Variants in ZDHHC21 observed in about 807,000 individuals in gnomAD.
ZDHHC21 encodes zDHHC palmitoyltransferase 21, also known as palmitoyltransferase ZDHHC21.
A neutral mutation model predicts 34.6 loss-of-function variants in ZDHHC21; 15 were observed. The ratio of observed to expected loss-of-function variants is 0.43; its 90% CI spans 0.29 to 0.67. The LOEUF is 0.67. Ranked by LOEUF, ZDHHC21 falls within the 30% of genes least tolerant of loss-of-function variation. The pLI is 0.14. For missense variants in ZDHHC21, 344 were observed against 327.7 expected, an observed-to-expected ratio of 1.05 and a Z score of -0.38; for synonymous variants, 142 against 101.8, an observed-to-expected ratio of 1.40 and a Z score of -2.38.
the ZDHHC21 span, among the ~76,000 whole-genome samples, chr9:14,599,182 G>T: frequency 1.3e-5 from 2 of 152,186 alleles, no homozygotes; most frequent in African/African-American, 4.8e-5. Context: ...AACAGCTTTG[G>T]TCTGCAGCTC....
At chr9:14,693,053 C>G (rs1313750271) in intron 1 of ZDHHC21, among the ~76,000 whole-genome samples, 176 bp downstream of exon 1, 1 of 151,602 alleles carries the variant, frequency 6.6e-6, no homozygotes, top group Non-Finnish European at 1.5e-5. Context: ...CCGAGAAACC[C>G]CCGGGTTCCA....
At chr9:14,598,458 C>T in the ZDHHC21 span, among the ~76,000 whole-genome samples, 1 of 152,146 alleles carries the variant, frequency 6.6e-6, no homozygotes, top group Non-Finnish European at 1.5e-5. Flanking sequence ...AAAAGTATTT[C>T]CCTATGAAAG....
In ZDHHC21 at chr9:14,681,730, G is replaced by GGTGTGTGTGTGT. The variant is rs34935934; in HGVS notation, c.-175-1580_-175-1569dup. ...AAAAATGGTAACTTATAAGGGGAAT[G>GGTGTGTGTGTGT]GTGTGTGTGTGTGTGTGTGTGTGTG... On this transcript the variant is annotated intron_variant, in intron 2 of 9. Coordinates refer to ENST00000380916, the MANE Select transcript of ZDHHC21 (RefSeq NM_178566.6). Among the ~76,000 whole-genome samples the GGTGTGTGTGTGT allele has an allele frequency of 1.4e-3, 202 of 148,570 alleles. 2 individuals are homozygous for GGTGTGTGTGTGT. Among genetic ancestry groups the GGTGTGTGTGTGT allele is most frequent in the Middle Eastern group, 3.4e-3 (1 of 292 alleles).
In ZDHHC21 at chr9:14,658,464, C is replaced by CTTTTTTTT. The variant is rs769819264; in HGVS notation, c.504+277_504+284dup. On this transcript the variant is annotated intron_variant, in intron 7 of 9. Coordinates refer to ENST00000380916, the MANE Select transcript of ZDHHC21 (RefSeq NM_178566.6). ...CTAATGTTAGTGGATATAAACATTT[C>CTTTTTTTT]TTTTTTTTTTTTTTTTTTTTTTTTT... is the stretch of plus-strand genomic sequence containing the variant. Among the ~76,000 whole-genome samples, 450 of 65,390 alleles carry CTTTTTTTT rather than the reference C, an allele frequency of 6.9e-3. 138 individuals are homozygous for CTTTTTTTT. Among genetic ancestry groups the CTTTTTTTT allele is most frequent in the African/African-American group, 7.6e-3 (122 of 16,080 alleles). 42.9% of individuals were successfully genotyped at this position (65,390 alleles called of 152,430 possible).
At chr9:14,603,682 T>C in the ZDHHC21 span, among the ~76,000 whole-genome samples, 4 of 152,110 alleles carry the variant, frequency 2.6e-5, no homozygotes, top group Non-Finnish European at 5.9e-5. Flanking sequence ...GAAAATAAGA[T>C]CTCAACAGGC....
In ZDHHC21 at chr9:14,693,279, G is replaced by C. The variant is rs1296131100; in HGVS notation, c.-275C>G. On this transcript the variant is annotated 5_prime_UTR_variant, in exon 1 of 10. Transcript: ENST00000380916. Reference sequence around the variant, plus strand: ...GCCGCCGCTCTCCCGACCGCCAGCAGCTCTTTCCCCTCCTCCTGCCGCGCC... The same window carrying C: ...GCCGCCGCTCTCCCGACCGCCAGCACCTCTTTCCCCTCCTCCTGCCGCGCC... The C allele has an allele frequency of 2.4e-6, 1 of 418,920 alleles. No individual in the cohort carries two copies. The highest frequency in any genetic ancestry group is 2.2e-5 in the African/African-American group (1 of 45,722). The allele number at this position is 418,920 out of a possible 1,614,324, so 26.0% of individuals were successfully genotyped here.
intron 5 of ZDHHC21, among the ~76,000 whole-genome samples, chr9:14,667,392 T>C (rs548287094): frequency 9.2e-5 from 14 of 152,062 alleles, no homozygotes; most frequent in African/African-American, 3.4e-4. Context: ...CAGGACCAGA[T>C]GGATTCACAG....
At chr9:14,621,788 T>G (rs1825352094) in intron 8 of ZDHHC21, among the ~76,000 whole-genome samples, 1 of 152,044 alleles carries the variant, frequency 6.6e-6, no homozygotes, top group African/African-American at 2.4e-5. Flanking sequence ...AACAGCAAAC[T>G]AGAAGAGGAC....
downstream of ZDHHC21, chr9:14,610,934 T>TA (rs1471394634): frequency 2.6e-5 from 4 of 152,138 alleles, no homozygotes; most frequent in African/African-American, 9.6e-5. Flanking sequence ...CAGAACAATA[T>TA]CCTAAGGCTA....
chr9:14,608,586 T>C (rs540773921), downstream of ZDHHC21, among the ~76,000 whole-genome samples: 43 of 152,258 alleles, frequency 2.8e-4, no homozygotes, highest in South Asian at 5.8e-3. Context: ...AATTTGAAAA[T>C]ACTAGTCATC....
chr9:14,622,506 A>G (rs1825483052), intron 8 of ZDHHC21: 1 of 985,120 alleles, frequency 1.0e-6, no homozygotes, highest in Non-Finnish European at 1.2e-6. Flanking sequence ...ATAAAGAGCA[A>G]GAATTTATCA....
chr9:14,676,762 C>G (rs915756461), intron 3 of ZDHHC21, among the ~76,000 whole-genome samples: 2 of 151,792 alleles, frequency 1.3e-5, no homozygotes, highest in African/African-American at 4.8e-5. Context: ...ATCTCAAATA[C>G]AAATGGTAAG....
intron 3 of ZDHHC21, among the ~76,000 whole-genome samples, chr9:14,676,121 G>C (rs1008373800): frequency 1.3e-5 from 2 of 151,980 alleles, no homozygotes; most frequent in African/African-American, 4.8e-5. Context: ...ATAAATTACT[G>C]AAGCTCTGGT....
At chr9:14,626,622 C>T (rs1826267236) in intron 8 of ZDHHC21, among the ~76,000 whole-genome samples, 1 of 151,742 alleles carries the variant, frequency 6.6e-6, no homozygotes, top group Non-Finnish European at 1.5e-5. Flanking sequence ...TTCCACACAC[C>T]ATAATTATCA....
At chr9:14,689,786 A>C (rs1165751883) in intron 2 of ZDHHC21, among the ~76,000 whole-genome samples, 1 of 152,162 alleles carries the variant, frequency 6.6e-6, no homozygotes, top group East Asian at 1.9e-4. Context: ...TTTGTCTGAG[A>C]CAGGGTCTCA....
chr9:14,608,964 G>A (rs1175502268), downstream of ZDHHC21, among the ~76,000 whole-genome samples: 1 of 152,146 alleles, frequency 6.6e-6, no homozygotes, highest in African/African-American at 2.4e-5. Flanking sequence ...GTGTTCAAAA[G>A]CTGGAATATA....
chr9:14,600,731 T>C, the ZDHHC21 span, among the ~76,000 whole-genome samples: 1 of 152,120 alleles, frequency 6.6e-6, no homozygotes, highest in Non-Finnish European at 1.5e-5. Context: ...GGAGGCATTA[T>C]GCTACCTGAC....
chr9:14,659,402 G>C (rs573281054), intron 6 of ZDHHC21, among the ~76,000 whole-genome samples: 1 of 152,244 alleles, frequency 6.6e-6, no homozygotes, highest in South Asian at 2.1e-4. Context: ...CCTGGTTGCT[G>C]AAAATAAAAA....
At chr9:14,590,261 A>G in the ZDHHC21 span, among the ~76,000 whole-genome samples, 1 of 152,258 alleles carries the variant, frequency 6.6e-6, no homozygotes, top group African/African-American at 2.4e-5. Context: ...AGGCAGAAAA[A>G]AAGCCTTGGA....
Sources: gnomAD v4.1 joint callset for allele counts (sites outside exome capture counted in the v4.1 genomes callset) on GRCh38, gnomAD v4.1.1 for gene constraint, MANE v1.5 for transcripts, NCBI Gene and HGNC (gene_info 2026-07-23, HGNC 2026-07-21) for gene names.